GPR26: variants seen among roughly 807,000 people sequenced by gnomAD.
The protein encoded by GPR26 is G protein-coupled receptor 26.
GPR26 carries 15 observed loss-of-function variants against 23.1 expected under a neutral mutation model. The observed-to-expected ratio is 0.65, with a 90% CI of 0.43 to 1.00. The LOEUF (loss-of-function observed/expected upper bound fraction) is 1.00. Among genes scored for constraint, GPR26 ranks in the 50% least tolerant of loss-of-function variants. The pLI, the probability that GPR26 is intolerant of heterozygous loss-of-function variation, is 0.00. For missense variants in GPR26, 359 were observed against 470.5 expected, an observed-to-expected ratio of 0.76 and a Z score of 2.19; for synonymous variants, 228 against 222.1, an observed-to-expected ratio of 1.03 and a Z score of -0.24.
chr10:123,669,844 TGTG>T (rs1217887368), intron 1 of GPR26, among the ~76,000 whole-genome samples: 1 of 152,216 alleles, frequency 6.6e-6, no homozygotes, highest in East Asian at 1.9e-4. Context: ...CCTGCCTTTC[TGTG>T]GTGATTTCTT....
rs1845458601 is a variant in GPR26, at chr10:123,688,766, T to C, written c.*606T>C. 1 of 155,602 alleles carries C rather than the reference T, an allele frequency of 6.4e-6. No individual in the cohort carries two copies. The highest frequency in any genetic ancestry group is 1.4e-5 in the Non-Finnish European group (1 of 70,160). The allele number at this position is 155,602 out of a possible 1,614,324, so 9.6% of individuals were successfully genotyped here. A position where few individuals can be genotyped will look rare whatever the true frequency, so the allele number is the denominator to read the frequency against. On this transcript the variant is annotated 3_prime_UTR_variant, in exon 3 of 3. Coordinates refer to ENST00000284674, the MANE Select transcript of GPR26 (RefSeq NM_153442.4). ...TGTTTCACAACTAGTGGCTGCCCAA[T>C]TGCTGCTGACCAGTTGTCTTAGAAA...
intron 1 of GPR26, among the ~76,000 whole-genome samples, chr10:123,668,929 A>T (rs1845219958): frequency 6.6e-6 from 1 of 152,144 alleles, no homozygotes; most frequent in South Asian, 2.1e-4. Context: ...CCTATTTGGG[A>T]TGTAGGGCCA....
At position 123,666,674 on chromosome 10, in the gene GPR26, G is replaced by A. The variant is rs750932289; in HGVS notation, c.267G>A (p.Leu89=). 11 of 1,599,506 alleles carry A rather than the reference G, an allele frequency of 6.9e-6. No individual in the cohort carries two copies. Among genetic ancestry groups the A allele is most frequent in the Admixed American group, 6.7e-5 (4 of 59,744 alleles). The change falls in exon 1 of 3, where the codon CTG becomes CTA. Residue 89 remains leucine, a synonymous_variant. Coordinates refer to ENST00000284674, the MANE Select transcript of GPR26 (RefSeq NM_153442.4). ...TGGCTGCCTTCCTCGACACCTTCCT[G>A]GCTGCCAACTCCATGCTCAGCATGG... ...CRLAAFLDTF[L]AANSMLSMAA...
chr10:123,680,823 T>G (rs1845364100), intron 2 of GPR26, among the ~76,000 whole-genome samples: 7 of 120,062 alleles, frequency 5.8e-5, no homozygotes, highest in African/African-American at 1.3e-4. Context: ...TTGTTTTGTT[T>G]TTTTGGGGGG....
At position 123,667,031 on chromosome 10, in the gene GPR26, G is replaced by C. The variant is rs147039170; in HGVS notation, c.624G>C (p.Val208=). Residue 208 remains valine (V), a synonymous_variant, in exon 1 of 3, where the codon GTG becomes GTC. Transcript: ENST00000284674. ...GCTTCCATTGCAAGCGCATCGACGTGATCACCATGCAGACGCTGGTGCTGC... is the reference window on the plus strand; with the variant it reads ...GCTTCCATTGCAAGCGCATCGACGTCATCACCATGCAGACGCTGGTGCTGC... ...VARFHCKRID[V]ITMQTLVLLV... The C allele has an allele frequency of 4.0e-4, 651 of 1,608,126 alleles. 2 individuals are homozygous for C. The African/African-American group carries it at 6.7e-3, about 17-fold the overall frequency.
rs1343229070 is a variant in GPR26 at position 123,691,089 on chromosome 10, C to T, written c.*2929C>T. The T allele has an allele frequency of 3.3e-5, 5 of 152,248 alleles. No individual in the cohort carries two copies. In the East Asian group the frequency reaches 5.8e-4, roughly 18 times the overall value. The allele number at this position is 152,248 out of a possible 1,614,324, so 9.4% of individuals were successfully genotyped here. A position where few individuals can be genotyped will look rare whatever the true frequency, so the allele number is the denominator to read the frequency against. Reference sequence around the variant, plus strand: ...CTAGTCCTACACAATCAGAATTTGCCTTTTTAAGTCACGCTGCAACTATTC... The same window carrying T: ...CTAGTCCTACACAATCAGAATTTGCTTTTTTAAGTCACGCTGCAACTATTC... On this transcript the variant is annotated 3_prime_UTR_variant, in exon 3 of 3. Transcript: ENST00000284674.
chr10:123,685,645 G>A (rs1302789404), intron 2 of GPR26, among the ~76,000 whole-genome samples: 2 of 152,228 alleles, frequency 1.3e-5, no homozygotes, highest in East Asian at 3.8e-4. Context: ...ACGGGCAAGT[G>A]ACAAAAGTTC....
chr10:123,668,839 T>G (rs1845218258), intron 1 of GPR26, among the ~76,000 whole-genome samples: 1 of 152,104 alleles, frequency 6.6e-6, no homozygotes, highest in Non-Finnish European at 1.5e-5. Context: ...GTGGAACCAG[T>G]TCTTATTTAG....
intron 1 of GPR26, 42 bp downstream of exon 1, chr10:123,667,117 G>A (rs1845196605): frequency 1.4e-6 from 2 of 1,420,296 alleles, no homozygotes; most frequent in East Asian, 2.5e-5. Flanking sequence ...AGCCGCGCGG[G>A]ATCTCGGCGG....
intron 2 of GPR26, among the ~76,000 whole-genome samples, chr10:123,677,214 A>T (rs1239274409): frequency 6.6e-6 from 1 of 152,170 alleles, no homozygotes; most frequent in Non-Finnish European, 1.5e-5. Context: ...GTTCTCTCTA[A>T]TAGTGCCCAG....
Position 123,674,733 on chromosome 10 carries a change from C to A in GPR26, c.669-85C>A. The A allele has an allele frequency of 1.2e-6, 1 of 822,108 alleles. No individual in the cohort carries two copies. The allele number at this position is 822,108 out of a possible 1,614,324, so 50.9% of individuals were successfully genotyped here. The stretch of plus-strand genomic sequence containing the variant: ...CATAGTCAAGTTCTCACACTAGAGA[C>A]TGCTGCCTGTGTTAGTAAATAGTGC... On this transcript the variant is annotated intron_variant, in intron 1 of 2. Transcript: ENST00000284674. The surrounding 1 kb of genome is among the most constrained non-coding windows in gnomAD (Gnocchi z 4.1).
At position 123,666,382 on chromosome 10, in the gene GPR26, C is replaced by T; in HGVS notation, c.-26C>T. Reference sequence around the variant, plus strand: ...CCATGGCGGCGCCGGGTTGCGGACCCTGAGCGCCGGCGCGGGGCGCGCACC... The same window carrying T: ...CCATGGCGGCGCCGGGTTGCGGACCTTGAGCGCCGGCGCGGGGCGCGCACC... On this transcript the variant is annotated 5_prime_UTR_variant, in exon 1 of 3. Coordinates refer to ENST00000284674, the MANE Select transcript of GPR26 (RefSeq NM_153442.4). 7.4e-7 allele frequency: 1 copy of T among 1,350,554 alleles called. No individual in the cohort carries two copies. The highest frequency in any genetic ancestry group is 1.9e-5 in the South Asian group (1 of 53,810). 83.7% of individuals were successfully genotyped at this position (1,350,554 alleles called of 1,614,324 possible).
intron 2 of GPR26, among the ~76,000 whole-genome samples, chr10:123,684,621 A>G (rs1011636478): frequency 1.3e-5 from 2 of 152,168 alleles, no homozygotes; most frequent in African/African-American, 4.8e-5. Context: ...TTTGCTGGCC[A>G]TTTTTGGATT....
At chr10:123,686,822 G>C (rs930832058) in intron 2 of GPR26, among the ~76,000 whole-genome samples, 13 of 152,202 alleles carry the variant, frequency 8.5e-5, no homozygotes, top group African/African-American at 3.1e-4. Context: ...CTGACTTGCT[G>C]TGTGATATCT....
At chr10:123,676,760 G>C (rs892427847) in intron 2 of GPR26, among the ~76,000 whole-genome samples, 1 of 152,044 alleles carries the variant, frequency 6.6e-6, no homozygotes, top group African/African-American at 2.4e-5. Flanking sequence ...CCTCTCCAGA[G>C]CCCAAACCTC....
chr10:123,672,491 G>A (rs1018069705), intron 1 of GPR26, among the ~76,000 whole-genome samples: 3 of 152,164 alleles, frequency 2.0e-5, no homozygotes, highest in Admixed American at 2.0e-4. Flanking sequence ...GGAGGCCCAG[G>A]GAGGGTCACA....
rs180926305 is a variant in GPR26, at chr10:123,681,925, C to G, written c.783-6004C>G. ...GGTAAGTGCTAGAATCCTGGTCTCA[C>G]AGAAGTTCAGAGAGGTGAGATGAGT... On this transcript the variant is annotated intron_variant, in intron 2 of 2. Transcript: ENST00000284674. Among the ~76,000 whole-genome samples the G allele has an allele frequency of 9.5e-4, 144 of 152,298 alleles. 1 individual carries two copies. Among genetic ancestry groups the G allele is most frequent in the Non-Finnish European group, 1.6e-3 (107 of 68,026 alleles).
In GPR26 at chr10:123,674,573, A is replaced by C. The variant is rs368105187; in HGVS notation, c.669-245A>C. Among the ~76,000 whole-genome samples the C allele has an allele frequency of 4.6e-5, 7 of 152,186 alleles. No homozygotes were observed. The South Asian group carries it at 1.0e-3, about 23-fold the overall frequency. On this transcript the variant is annotated intron_variant, in intron 1 of 2. Coordinates refer to ENST00000284674, the MANE Select transcript of GPR26 (RefSeq NM_153442.4). This position sits in a 1 kb window ranked among gnomAD's most constrained non-coding sequence, Gnocchi z 4.1. ...ACAGCCTCTTGTAGCATTTTATTAC[A>C]TTATGTGTAATACACTAAAATATAT...
intron 2 of GPR26, among the ~76,000 whole-genome samples, chr10:123,679,587 T>C (rs1432243416): frequency 6.6e-6 from 1 of 151,760 alleles, no homozygotes; most frequent in Non-Finnish European, 1.5e-5. Context: ...CCAACCCATT[T>C]TACTGCTGGA....
Sources: gnomAD v4.1 joint callset for allele counts (sites outside exome capture counted in the v4.1 genomes callset) on GRCh38, gnomAD v4.1.1 for gene constraint, Gnocchi (gnomAD v3.1) non-coding constraint, MANE v1.5 for transcripts, NCBI Gene and HGNC (gene_info 2026-07-23, HGNC 2026-07-21) for gene names.